Variants in UBE2E1 observed in about 807,000 individuals in gnomAD.
UBE2E1 encodes ubiquitin conjugating enzyme E2 E1, also known as ubiquitin-conjugating enzyme E2 E1.
UBE2E1 carries 6 observed loss-of-function variants against 21.4 expected under a neutral mutation model. The observed-to-expected ratio is 0.28, with a 90% CI of 0.15 to 0.55. The LOEUF (loss-of-function observed/expected upper bound fraction) is 0.55. Among genes scored for constraint, UBE2E1 ranks in the 20% least tolerant of loss-of-function variants. UBE2E1 has a pLI of 0.93. For synonymous variants in UBE2E1, 87 were observed against 82.7 expected (o/e 1.05, Z -0.28); for missense variants, 142 against 236.5 (o/e 0.60, Z 2.62).
At chr3:23,881,622 T>C (rs1701043221) in intron 3 of UBE2E1, among the ~76,000 whole-genome samples, 1 of 152,200 alleles carries the variant, frequency 6.6e-6, no homozygotes, top group African/African-American at 2.4e-5. Flanking sequence ...GTTTAGAGAA[T>C]CCCAATTAAA....
rs72625893 is a variant in UBE2E1, at chr3:23,815,328, T to G, written c.203+3818T>G. On this transcript the variant is annotated intron_variant, in intron 3 of 5. Transcript: ENST00000306627. ...GTGACAGAATTTCCATTTAGCCTTC[T>G]TTTGATAGCTTTTTTTTCCCTAACA... is the stretch of plus-strand genomic sequence containing the variant. Among the ~76,000 whole-genome samples the G allele has an allele frequency of 2.9e-3, 436 of 152,356 alleles. 11 individuals are homozygous for G. The East Asian group carries it at 0.044, about 15-fold the overall frequency.
chr3:23,815,730 A>G (rs933021285), intron 3 of UBE2E1, among the ~76,000 whole-genome samples: 3 of 152,236 alleles, frequency 2.0e-5, no homozygotes, highest in African/African-American at 4.8e-5. Flanking sequence ...GGTATAAGAA[A>G]TAGGTTCAGC....
At chr3:23,815,547 T>A (rs1699497167) in intron 3 of UBE2E1, among the ~76,000 whole-genome samples, 2 of 152,216 alleles carry the variant, frequency 1.3e-5, no homozygotes, top group South Asian at 4.1e-4. Flanking sequence ...GAATTTACAT[T>A]GTGTTTTTCT....
Position 23,823,602 on chromosome 3 carries a change from C to T in UBE2E1, c.203+12092C>T, listed in dbSNP as rs1265943781. ...ATTTATTTCTTAGCAGACTTTGCTA[C>T]AACACATTTATCCTAAATAAAAGGA... is the stretch of plus-strand genomic sequence containing the variant. On this transcript the variant is annotated intron_variant, in intron 3 of 5. Transcript: ENST00000306627. This position sits in a 1 kb window ranked among gnomAD's most constrained non-coding sequence, Gnocchi z 4.2. Among the ~76,000 whole-genome samples the T allele has an allele frequency of 6.6e-6, 1 of 152,182 alleles. No homozygotes were observed. The highest frequency in any genetic ancestry group is 1.5e-5 in the Non-Finnish European group (1 of 68,036).
intron 3 of UBE2E1, among the ~76,000 whole-genome samples, chr3:23,875,826 G>T (rs935604369): frequency 1.3e-5 from 2 of 152,228 alleles, no homozygotes; most frequent in Non-Finnish European, 2.9e-5. Flanking sequence ...AGGCTGGAGT[G>T]CAGTGGCGTG....
At chr3:23,839,444 A>G (rs562909437) in intron 3 of UBE2E1, among the ~76,000 whole-genome samples, 1 of 152,112 alleles carries the variant, frequency 6.6e-6, no homozygotes, top group Non-Finnish European at 1.5e-5. Context: ...AGCCTTGGCA[A>G]CAGAGAGAGA....
chr3:23,884,335 T>C (rs569815676), intron 3 of UBE2E1, among the ~76,000 whole-genome samples: 1 of 152,318 alleles, frequency 6.6e-6, no homozygotes, highest in East Asian at 1.9e-4. Flanking sequence ...TCCTAACTGG[T>C]TGTCCCACTA....
At chr3:23,868,305 ATTTT>A (rs1700699738) in intron 3 of UBE2E1, among the ~76,000 whole-genome samples, 2 of 151,746 alleles carry the variant, frequency 1.3e-5, no homozygotes, top group African/African-American at 2.4e-5. Flanking sequence ...TTTATTTTTT[ATTTT>A]TATTTATTTA....
chr3:23,875,222 T>C (rs371215917), intron 3 of UBE2E1, among the ~76,000 whole-genome samples: 1 of 152,178 alleles, frequency 6.6e-6, no homozygotes, highest in Non-Finnish European at 1.5e-5. Context: ...CTGGGCAAGA[T>C]TGAGCTTTTG....
chr3:23,834,896 A>G (rs1446848350), intron 3 of UBE2E1, among the ~76,000 whole-genome samples: 1 of 152,240 alleles, frequency 6.6e-6, no homozygotes, highest in African/African-American at 2.4e-5. Flanking sequence ...ATTTAAAACT[A>G]AAATGAATTC....
chr3:23,810,725 G>A lies in UBE2E1; in HGVS notation c.153-735G>A. Reference sequence around the variant, plus strand: ...GAGAGGAGAGCTGGGGCGGCGCGGAGCAGCCCCCGTGCGGGCACCCTGTTC... The same window carrying A: ...GAGAGGAGAGCTGGGGCGGCGCGGAACAGCCCCCGTGCGGGCACCCTGTTC... On this transcript the variant is annotated intron_variant, in intron 2 of 5. Coordinates refer to ENST00000306627, the MANE Select transcript of UBE2E1 (RefSeq NM_003341.5). This position sits in a 1 kb window ranked among gnomAD's most constrained non-coding sequence, Gnocchi z 5.8. The A allele has an allele frequency of 4.5e-6, 2 of 441,614 alleles. No individual in the cohort carries two copies. The highest frequency in any genetic ancestry group is 3.9e-6 in the Non-Finnish European group (1 of 257,064). The allele number at this position is 441,614 out of a possible 1,614,324, so 27.4% of individuals were successfully genotyped here.
At chr3:23,845,299 C>T (rs1700172439) in intron 3 of UBE2E1, among the ~76,000 whole-genome samples, 1 of 152,178 alleles carries the variant, frequency 6.6e-6, no homozygotes, top group South Asian at 2.1e-4. Flanking sequence ...ATGCATTGCA[C>T]ACTCTTCAGG....
chr3:23,855,691 G>T (rs1009604291), intron 3 of UBE2E1, among the ~76,000 whole-genome samples: 2 of 152,068 alleles, frequency 1.3e-5, no homozygotes, highest in East Asian at 3.9e-4. Flanking sequence ...TTAGCTGGGC[G>T]TGGTGGTGGG....
chr3:23,807,613 G>A (rs950006282), intron 2 of UBE2E1, 192 bp downstream of exon 2: 2 of 609,662 alleles, frequency 3.3e-6, no homozygotes, highest in African/African-American at 1.9e-5. Flanking sequence ...TTGCTCACAT[G>A]CAGCTGTTGC....
rs766496008 is a variant in UBE2E1, at chr3:23,887,554, G to A, written c.204-13G>A. The A allele has an allele frequency of 3.2e-5, 51 of 1,598,200 alleles. No homozygotes were observed. The highest frequency in any genetic ancestry group is 9.2e-5 in the Admixed American group (5 of 54,618). ...TGCCACCATCTGCTTATTTGTTGAC[G>A]TATTATTCACAGTGCTGGTCCCAAA... On this transcript the variant is annotated splice_polypyrimidine_tract_variant and intron_variant, in intron 3 of 5. Coordinates refer to ENST00000306627, the MANE Select transcript of UBE2E1 (RefSeq NM_003341.5). The surrounding 1 kb of genome is among the most constrained non-coding windows in gnomAD (Gnocchi z 4.4).
chr3:23,846,488 G>T (rs1700206863), intron 3 of UBE2E1, among the ~76,000 whole-genome samples: 1 of 152,128 alleles, frequency 6.6e-6, no homozygotes, highest in Non-Finnish European at 1.5e-5. Context: ...CCTGAGGTCA[G>T]GAGTTTGAAA....
At chr3:23,868,999 AT>A (rs1022835756) in intron 3 of UBE2E1, among the ~76,000 whole-genome samples, 5 of 152,046 alleles carry the variant, frequency 3.3e-5, no homozygotes, top group African/African-American at 1.2e-4. Context: ...CTCATTCCAA[AT>A]TTTTTTCATC....
chr3:23,810,592 TG>T lies in UBE2E1; in HGVS notation c.153-867del. On this transcript the variant is annotated intron_variant, in intron 2 of 5. Transcript: ENST00000306627. This position sits in a 1 kb window ranked among gnomAD's most constrained non-coding sequence, Gnocchi z 5.8. ...GGGCGGAGGCAGGGTCCGGTGCACC[TG>T]TGCGGCCGCGGGCCGGCCACTTGGG... is the stretch of plus-strand genomic sequence containing the variant. The T allele has an allele frequency of 2.7e-6, 4 of 1,455,542 alleles. No individual in the cohort carries two copies. In the South Asian group the frequency reaches 5.2e-5, roughly 19 times the overall value. The allele number at this position is 1,455,542 out of a possible 1,614,324, so 90.2% of individuals were successfully genotyped here.
intron 3 of UBE2E1, among the ~76,000 whole-genome samples, chr3:23,875,512 C>A (rs979456260): frequency 6.6e-6 from 1 of 152,194 alleles, no homozygotes; most frequent in Non-Finnish European, 1.5e-5. Context: ...GGCCACAAAT[C>A]ATCCTTGTGC....
Sources: allele counts gnomAD v4.1 joint callset (sites outside exome capture counted in the v4.1 genomes callset), GRCh38; gene constraint gnomAD v4.1.1; non-coding constraint Gnocchi (gnomAD v3.1); transcripts MANE v1.5; gene names NCBI Gene and HGNC (gene_info 2026-07-23, HGNC 2026-07-21).